Variants in NRXN1 observed in about 807,000 individuals in gnomAD.
The protein encoded by NRXN1 is neurexin 1, also known as neurexin-1.
Under a neutral mutation model 150.9 loss-of-function variants are expected in NRXN1, and 39 were observed. The observed-to-expected ratio is 0.26, with a 90% CI of 0.20 to 0.34. NRXN1 has a LOEUF of 0.34. Ranked by LOEUF, NRXN1 falls within the 10% of genes least tolerant of loss-of-function variation. The probability of loss-of-function intolerance (pLI) is 1.00; values close to 1 mark genes in which losing one functional copy is unlikely to be tolerated. For synonymous variants in NRXN1, 924 were observed against 757.0 expected (o/e 1.22, Z -3.62); for missense variants, 1,815 against 1,949.9 (o/e 0.93, Z 1.30).
intron 18 of NRXN1, among the ~76,000 whole-genome samples, chr2:50,107,502 A>T (rs1701817017): frequency 6.9e-6 from 1 of 144,778 alleles, no homozygotes; most frequent in Non-Finnish European, 1.5e-5. Context: ...TTATTGTCAC[A>T]TGCTACATTC....
intron 18 of NRXN1, chr2:50,185,485 G>T (rs2061006557): frequency 6.6e-6 from 1 of 152,022 alleles, no homozygotes; most frequent in African/African-American, 2.4e-5. Context: ...CTTCCTAAGT[G>T]GGGCCATGTC....
At chr2:50,988,589 T>C (rs910573157) in intron 2 of NRXN1, among the ~76,000 whole-genome samples, 1 of 151,910 alleles carries the variant, frequency 6.6e-6, no homozygotes, top group East Asian at 1.9e-4. Context: ...CCCTCTCCTG[T>C]TTAAATTCTT....
chr2:50,619,579 T>C (rs775751731), intron 8 of NRXN1: 12 of 235,058 alleles, frequency 5.1e-5, no homozygotes, highest in Non-Finnish European at 9.7e-5. Flanking sequence ...TTTGTTTTAG[T>C]TTTGTTTTGA....
intron 21 of NRXN1, among the ~76,000 whole-genome samples, chr2:50,002,566 G>T (rs1041843677): frequency 7.2e-5 from 11 of 152,072 alleles, no homozygotes; most frequent in Non-Finnish European, 1.5e-4. Flanking sequence ...AAACCTTTTT[G>T]AGAGTGGGAA....
At chr2:50,296,624 G>T (rs949692441) in intron 17 of NRXN1, among the ~76,000 whole-genome samples, 1 of 151,432 alleles carries the variant, frequency 6.6e-6, no homozygotes, top group African/African-American at 2.4e-5. Flanking sequence ...ATGCACTACT[G>T]GCTGGCTATT....
At chr2:49,978,425 T>G (rs952214022) in intron 21 of NRXN1, among the ~76,000 whole-genome samples, 7 of 152,052 alleles carry the variant, frequency 4.6e-5, no homozygotes. Context: ...AGTGTCTCTA[T>G]CCATAGATAA....
intron 10 of NRXN1, among the ~76,000 whole-genome samples, chr2:50,536,969 T>C (rs1389215386): frequency 1.3e-5 from 2 of 152,158 alleles, no homozygotes; most frequent in African/African-American, 2.4e-5. Context: ...ACCCATCTAA[T>C]TGCATGACCT....
At position 50,766,030 on chromosome 2, in the gene NRXN1, G is replaced by C. The variant is rs564022177; in HGVS notation, c.833-142415C>G. Among the ~76,000 whole-genome samples, 13 of 152,132 alleles carry C rather than the reference G, an allele frequency of 8.5e-5. No individual in the cohort carries two copies. In the East Asian group the frequency reaches 1.9e-3, roughly 23 times the overall value. On this transcript the variant is annotated intron_variant, in intron 5 of 22. Coordinates refer to ENST00000401669, the MANE Select transcript of NRXN1 (RefSeq NM_001330078.2). ...ATTTAGGTCCATAATTAGACAATTA[G>C]AGCTCATGTACTACAACAAAGCTCT...
chr2:50,833,302 C>A (rs928947511), intron 5 of NRXN1, among the ~76,000 whole-genome samples: 4 of 152,050 alleles, frequency 2.6e-5, no homozygotes, highest in Non-Finnish European at 4.4e-5. Context: ...ATATACTTAC[C>A]ATATGTCCCC....
intron 3 of NRXN1, among the ~76,000 whole-genome samples, chr2:50,923,211 G>A (rs1174484742): frequency 6.6e-6 from 1 of 151,814 alleles, no homozygotes; most frequent in Non-Finnish European, 1.5e-5. Context: ...ATGTCTCCTT[G>A]TCTGACACAT....
At chr2:50,853,527 G>C (rs1357129754) in intron 5 of NRXN1, among the ~76,000 whole-genome samples, 1 of 152,054 alleles carries the variant, frequency 6.6e-6, no homozygotes, top group Non-Finnish European at 1.5e-5. Context: ...GATGTCTTTT[G>C]TAGTAACATT....
At chr2:50,229,241 G>A (rs1001191233) in intron 18 of NRXN1, among the ~76,000 whole-genome samples, 1 of 151,672 alleles carries the variant, frequency 6.6e-6, no homozygotes, top group Non-Finnish European at 1.5e-5. Flanking sequence ...TTGTTTTCTG[G>A]TCTTTGGCTG....
intron 19 of NRXN1, among the ~76,000 whole-genome samples, chr2:50,067,359 G>C (rs1695523379): frequency 6.6e-6 from 1 of 152,134 alleles, no homozygotes; most frequent in South Asian, 2.1e-4. Flanking sequence ...TTTTGGTTTG[G>C]ATATTGTTTC....
At chr2:50,351,595 G>A (rs921952382) in intron 17 of NRXN1, among the ~76,000 whole-genome samples, 3 of 149,422 alleles carry the variant, frequency 2.0e-5, no homozygotes, top group Non-Finnish European at 4.4e-5. Flanking sequence ...CAGAGTATGT[G>A]ACTCTAAGAG....
chr2:50,434,801 C>CT (rs773103386), intron 17 of NRXN1, among the ~76,000 whole-genome samples: 14 of 149,660 alleles, frequency 9.4e-5, no homozygotes, highest in Non-Finnish European at 1.5e-4. Context: ...TCTCATAAGA[C>CT]TATTTTTTTT....
At chr2:49,965,450 T>C (rs1391609491) in intron 21 of NRXN1, among the ~76,000 whole-genome samples, 1 of 151,862 alleles carries the variant, frequency 6.6e-6, no homozygotes, top group African/African-American at 2.4e-5. Context: ...GTATTTTTAG[T>C]AGAGACGGGG....
intron 5 of NRXN1, among the ~76,000 whole-genome samples, chr2:50,748,421 T>C (rs1025526618): frequency 2.6e-5 from 4 of 152,154 alleles, no homozygotes; most frequent in African/African-American, 9.7e-5. Context: ...CAAATAACCA[T>C]TGAAGAATTA....
rs1323306682 is a variant in NRXN1, at chr2:50,522,719, C to CCTTTTTTTTTTTTTTTTT, written c.2374+5905_2374+5906insAAAAAAAAAAAAAAAAAG. ...TTCCATTTATTCATTTATTTTTATTCATTTTTTTTTTTTTTTTTTTTTTTT... is the reference window on the plus strand; with the variant it reads ...TTCCATTTATTCATTTATTTTTATTCCTTTTTTTTTTTTTTTTTATTTTTTTTTTTTTTTTTTTTTTTT... On this transcript the variant is annotated intron_variant, in intron 12 of 22. Coordinates refer to ENST00000401669, the MANE Select transcript of NRXN1 (RefSeq NM_001330078.2). 4.0e-4 allele frequency among the ~76,000 whole-genome samples: 35 copies of CCTTTTTTTTTTTTTTTTT among 86,594 alleles called. 13 individuals are homozygous for CCTTTTTTTTTTTTTTTTT. The highest frequency in any genetic ancestry group is 5.4e-4 in the African/African-American group (9 of 16,768). 56.8% of individuals were successfully genotyped at this position (86,594 alleles called of 152,430 possible). A position where few individuals can be genotyped will look rare whatever the true frequency, so the allele number is the denominator to read the frequency against.
chr2:50,763,873 G>C (rs1449801100), intron 5 of NRXN1, among the ~76,000 whole-genome samples: 1 of 151,992 alleles, frequency 6.6e-6, no homozygotes, highest in East Asian at 2.0e-4. Context: ...AGTGAATTAT[G>C]ACAAATTTTA....
Sources: allele counts gnomAD v4.1 joint callset (sites outside exome capture counted in the v4.1 genomes callset), GRCh38; gene constraint gnomAD v4.1.1; transcripts MANE v1.5; gene names NCBI Gene and HGNC (gene_info 2026-07-23, HGNC 2026-07-21).